KCNIP4: variants seen among roughly 807,000 people sequenced by gnomAD.
The protein encoded by KCNIP4 is potassium voltage-gated channel interacting protein 4, also known as Kv channel-interacting protein 4.
A neutral mutation model predicts 34.0 loss-of-function variants in KCNIP4; 12 were observed. That is an observed-to-expected ratio of 0.35 (90% CI 0.23 to 0.57). The LOEUF (loss-of-function observed/expected upper bound fraction) is 0.57, where lower values mean the gene tolerates loss of function less well. Among genes scored for constraint, KCNIP4 ranks in the 20% least tolerant of loss-of-function variants. The pLI, the probability that KCNIP4 is intolerant of heterozygous loss-of-function variation, is 0.83. For missense variants in KCNIP4, 238 were observed against 311.7 expected, an observed-to-expected ratio of 0.76 and a Z score of 1.78; for synonymous variants, 124 against 102.2, an observed-to-expected ratio of 1.21 and a Z score of -1.29.
Position 21,370,836 on chromosome 4 carries a change from TATATATATATATATACAC to T in KCNIP4, c.62-488145_62-488128del, listed in dbSNP as rs1405568169. ...ATATATATATATATATATATATATATATATATATATATATACACACACACACACACACACACACACACA... is the reference window on the plus strand; with the variant it reads ...ATATATATATATATATATATATATATACACACACACACACACACACACACA... On this transcript the variant is annotated intron_variant, in intron 1 of 8. Coordinates refer to ENST00000382152, the MANE Select transcript of KCNIP4 (RefSeq NM_025221.6). Among the ~76,000 whole-genome samples the T allele has an allele frequency of 5.4e-4, 17 of 31,694 alleles. No homozygotes were observed. The East Asian group carries it at 9.0e-3, about 17-fold the overall frequency. The allele number at this position is 31,694 out of a possible 152,430, so 20.8% of individuals were successfully genotyped here.
At chr4:21,436,875 C>T (rs1211003222) in intron 1 of KCNIP4, among the ~76,000 whole-genome samples, 2 of 152,154 alleles carry the variant, frequency 1.3e-5, no homozygotes, top group African/African-American at 4.8e-5. Context: ...TTTGGATACC[C>T]CTATGCCTAA....
intron 1 of KCNIP4, among the ~76,000 whole-genome samples, chr4:21,515,283 T>C (rs892992553): frequency 2.0e-5 from 3 of 152,182 alleles, no homozygotes; most frequent in African/African-American, 7.2e-5. Flanking sequence ...ATGGGTGCTA[T>C]AGTTTGAATG....
rs145557657 is a variant in KCNIP4, at chr4:21,341,010, G to T, written c.62-458301C>A. 3.6e-3 allele frequency among the ~76,000 whole-genome samples: 555 copies of T among 152,202 alleles called. 4 individuals carry two copies. Among genetic ancestry groups the T allele is most frequent in the African/African-American group, 0.013 (521 of 41,544 alleles). ...ACAAAATTAGTTTTGTGGATGGATG[G>T]ATGAAAGTGGGCCCTAATTTCAATA... On this transcript the variant is annotated intron_variant, in intron 1 of 8. Coordinates refer to ENST00000382152, the MANE Select transcript of KCNIP4 (RefSeq NM_025221.6).
chr4:20,728,686 T>C lies in KCNIP4; in HGVS notation c.*1396A>G, dbSNP rs950345753. 5.9e-5 allele frequency: 9 copies of C among 152,538 alleles called. No homozygotes were observed. Among genetic ancestry groups the C allele is most frequent in the African/African-American group, 1.9e-4 (8 of 41,460 alleles). 9.4% of individuals were successfully genotyped at this position (152,538 alleles called of 1,614,324 possible). ...TGCACATTGAGTTTACACAAACACG[T>C]GATGGCAAATTTCAGTGTACATGTA... is the stretch of plus-strand genomic sequence containing the variant. On this transcript the variant is annotated 3_prime_UTR_variant, in exon 9 of 9. Transcript: ENST00000382152.
intron 1 of KCNIP4, among the ~76,000 whole-genome samples, chr4:20,949,274 G>A (rs1194536515): frequency 6.6e-6 from 1 of 152,176 alleles, no homozygotes; most frequent in East Asian, 1.9e-4. Flanking sequence ...AATGTATTAT[G>A]CTTGTGCTAG....
intron 1 of KCNIP4, among the ~76,000 whole-genome samples, chr4:21,818,326 C>A (rs895991575): frequency 1.7e-4 from 26 of 152,332 alleles, no homozygotes; most frequent in East Asian, 1.4e-3. Flanking sequence ...CAGGGGGTAA[C>A]CCCAAACTCA....
intron 1 of KCNIP4, among the ~76,000 whole-genome samples, chr4:21,366,358 T>C (rs758459379): frequency 2.0e-5 from 3 of 152,164 alleles, no homozygotes; most frequent in Non-Finnish European, 4.4e-5. Flanking sequence ...TTTTCAGCCA[T>C]GCCAGCAATT....
rs1714918449 is a variant in KCNIP4, at chr4:21,325,268, T to G, written c.62-442559A>C. On this transcript the variant is annotated intron_variant, in intron 1 of 8. Transcript: ENST00000382152. Reference sequence around the variant, plus strand: ...TCTTGGATATTTTTTATTACATCTTTGATCTTGGTACTTGTAATTGGCCTG... The same window carrying G: ...TCTTGGATATTTTTTATTACATCTTGGATCTTGGTACTTGTAATTGGCCTG... Among the ~76,000 whole-genome samples the G allele has an allele frequency of 1.3e-5, 2 of 151,814 alleles. 1 individual carries two copies. The highest frequency in any genetic ancestry group is 4.1e-4 in the South Asian group (2 of 4,826).
chr4:21,814,420 C>A (rs1721849970), intron 1 of KCNIP4, among the ~76,000 whole-genome samples: 2 of 152,140 alleles, frequency 1.3e-5, no homozygotes, highest in Non-Finnish European at 2.9e-5. Flanking sequence ...GAATAAGTCT[C>A]ATGAGATCTC....
intron 1 of KCNIP4, among the ~76,000 whole-genome samples, chr4:21,235,352 T>A (rs1389709976): frequency 2.0e-5 from 3 of 152,118 alleles, no homozygotes; most frequent in Non-Finnish European, 2.9e-5. Context: ...TCTCTCTACC[T>A]CAGTTCCTCC....
intron 1 of KCNIP4, among the ~76,000 whole-genome samples, chr4:21,545,127 C>T (rs1288565029): frequency 1.3e-5 from 2 of 152,090 alleles, no homozygotes; most frequent in East Asian, 3.9e-4. Flanking sequence ...TCATTATACG[C>T]TAATTATAAT....
At chr4:21,351,685 G>A (rs927667878) in intron 1 of KCNIP4, among the ~76,000 whole-genome samples, 7 of 152,040 alleles carry the variant, frequency 4.6e-5, no homozygotes, top group African/African-American at 1.7e-4. Context: ...CAATATGGTT[G>A]GTGTCCTTAT....
chr4:20,958,609 CAG>C (rs1266408299), intron 1 of KCNIP4, among the ~76,000 whole-genome samples: 3 of 152,242 alleles, frequency 2.0e-5, no homozygotes, highest in African/African-American at 4.8e-5. Context: ...TAGAGAGAAA[CAG>C]AGACTTTTAG....
intron 1 of KCNIP4, among the ~76,000 whole-genome samples, chr4:21,747,402 C>G (rs1276072906): frequency 1.3e-5 from 2 of 152,168 alleles, no homozygotes; most frequent in Non-Finnish European, 2.9e-5. Context: ...ACATGAGACA[C>G]TACCTTTCTG....
At chr4:21,542,425 C>CTAT (rs1737784827) in intron 1 of KCNIP4, among the ~76,000 whole-genome samples, 1 of 152,012 alleles carries the variant, frequency 6.6e-6, no homozygotes. Context: ...TATTCAAAAG[C>CTAT]TTGAGAAAGC....
intron 3 of KCNIP4, among the ~76,000 whole-genome samples, chr4:20,761,322 T>G (rs1222442870): frequency 1.3e-5 from 2 of 152,204 alleles, no homozygotes; most frequent in African/African-American, 4.8e-5. Context: ...ATTAGTTCCA[T>G]TTCTCTGAAG....
At chr4:20,951,099 GCT>G (rs140555890) in intron 1 of KCNIP4, among the ~76,000 whole-genome samples, 1 of 151,040 alleles carries the variant, frequency 6.6e-6, no homozygotes. Context: ...ACGTCAGAGT[GCT>G]CTCTCTCTCT....
intron 1 of KCNIP4, among the ~76,000 whole-genome samples, chr4:21,610,058 C>T (rs972945815): frequency 2.0e-5 from 3 of 152,234 alleles, no homozygotes; most frequent in Admixed American, 6.5e-5. Flanking sequence ...AGGGATACTT[C>T]TCCTGCTGTC....
chr4:21,748,807 G>GA (rs913758441), intron 1 of KCNIP4, among the ~76,000 whole-genome samples: 2 of 151,880 alleles, frequency 1.3e-5, no homozygotes, highest in African/African-American at 4.8e-5. Context: ...GTTTCTGATT[G>GA]AAAAAAATAA....
Sources: gnomAD v4.1 joint callset for allele counts (sites outside exome capture counted in the v4.1 genomes callset) on GRCh38, gnomAD v4.1.1 for gene constraint, MANE v1.5 for transcripts, NCBI Gene and HGNC (gene_info 2026-07-23, HGNC 2026-07-21) for gene names.